The following SHQ1 variants were observed in gnomAD, a reference collection of about 807,000 sequenced individuals.
The protein encoded by SHQ1 is SHQ1, H/ACA ribonucleoprotein assembly factor.
In SHQ1, 49 loss-of-function variants were observed where a neutral mutation model predicts 53.8. The observed-to-expected ratio is 0.91, with a 90% CI of 0.72 to 1.16. The LOEUF (loss-of-function observed/expected upper bound fraction) is 1.16. Ranked by LOEUF, SHQ1 falls within the 50% of genes most tolerant of loss-of-function variation. The pLI is 0.00. For synonymous variants in SHQ1, 243 were observed against 251.0 expected (o/e 0.97, Z 0.30); for missense variants, 738 against 683.1 (o/e 1.08, Z -0.90).
At position 72,844,593 on chromosome 3, in the gene SHQ1, GA is replaced by G. The variant is rs1181469809; in HGVS notation, c.144-171del. On this transcript the variant is annotated intron_variant, in intron 1 of 10. Transcript: ENST00000325599. ...TAAGTTAGATTCTTTCCCCAACCAA[GA>G]AAGTAGAAATTAGAGATGACTCATC... 3 of 668,120 alleles carry G rather than the reference GA, an allele frequency of 4.5e-6. No individual in the cohort carries two copies. In the African/African-American group the frequency reaches 5.4e-5, roughly 12 times the overall value. 41.4% of individuals were successfully genotyped at this position (668,120 alleles called of 1,614,324 possible).
intron 10 of SHQ1, among the ~76,000 whole-genome samples, chr3:72,770,833 T>A (rs767145555): frequency 6.6e-6 from 1 of 152,294 alleles, no homozygotes; most frequent in East Asian, 1.9e-4. Flanking sequence ...GTGAACTGCA[T>A]ATAGGCAGAT....
chr3:72,789,975 G>C (rs1299391570), intron 10 of SHQ1, among the ~76,000 whole-genome samples: 2 of 152,176 alleles, frequency 1.3e-5, no homozygotes, highest in African/African-American at 2.4e-5. Context: ...GGAACCAGAA[G>C]ACCTGACCTA....
intron 10 of SHQ1, among the ~76,000 whole-genome samples, chr3:72,783,595 T>A (rs1400537036): frequency 1.3e-5 from 2 of 152,198 alleles, no homozygotes; most frequent in African/African-American, 4.8e-5. Context: ...ATTATAGGCA[T>A]GAGCCAGCAT....
In SHQ1 at chr3:72,830,538, A is replaced by T. The variant is rs1293155876; in HGVS notation, c.599+1831T>A. ...CTGAGCTAAAAAAAAGAATTTTTAA[A>T]TAAAAATTAAAAAGAATTTTAGTTG... is the stretch of plus-strand genomic sequence containing the variant. On this transcript the variant is annotated intron_variant, in intron 5 of 10. Coordinates refer to ENST00000325599, the MANE Select transcript of SHQ1 (RefSeq NM_018130.3). Among the ~76,000 whole-genome samples the T allele has an allele frequency of 4.6e-5, 7 of 152,270 alleles. No homozygotes were observed. The East Asian group carries it at 1.2e-3, about 25-fold the overall frequency.
chr3:72,835,832 AAAGG>A (rs1421443406), intron 4 of SHQ1, among the ~76,000 whole-genome samples: 3 of 152,212 alleles, frequency 2.0e-5, no homozygotes, highest in African/African-American at 7.2e-5. Flanking sequence ...TCACTTTCTC[AAAGG>A]AGTCTTCTCT....
chr3:72,744,379 A>G (rs757821949), downstream of SHQ1, among the ~76,000 whole-genome samples: 1 of 152,214 alleles, frequency 6.6e-6, no homozygotes, highest in African/African-American at 2.4e-5. Context: ...TCCCAGAGGT[A>G]AATCCTGTTG....
intron 9 of SHQ1, chr3:72,795,210 A>G (rs1706568748): frequency 6.6e-6 from 1 of 152,238 alleles, no homozygotes; most frequent in Non-Finnish European, 1.5e-5. Context: ...AAGAATGTCA[A>G]TGAAAGCTCC....
At position 72,809,146 on chromosome 3, in the gene SHQ1, C is replaced by A. The variant is rs79525387; in HGVS notation, c.1060+3525G>T. Among the ~76,000 whole-genome samples, 933 of 152,148 alleles carry A rather than the reference C, an allele frequency of 6.1e-3. 14 individuals are homozygous for A. Among genetic ancestry groups the A allele is most frequent in the African/African-American group, 0.021 (878 of 41,508 alleles). On this transcript the variant is annotated intron_variant, in intron 9 of 10. Transcript: ENST00000325599. Reference sequence around the variant, plus strand: ...GCTTCCATTAAGAAGCAGGACAGAGCAACATGGGGTGGCCAAGTGGAGGTA... The same window carrying A: ...GCTTCCATTAAGAAGCAGGACAGAGAAACATGGGGTGGCCAAGTGGAGGTA...
chr3:72,845,596 T>C (rs1708304390), intron 1 of SHQ1, among the ~76,000 whole-genome samples: 1 of 152,228 alleles, frequency 6.6e-6, no homozygotes, highest in Non-Finnish European at 1.5e-5. Context: ...AACAGGAATC[T>C]AATTGTCACT....
intron 8 of SHQ1, among the ~76,000 whole-genome samples, chr3:72,814,799 A>G (rs895952323): frequency 6.6e-6 from 1 of 152,200 alleles, no homozygotes; most frequent in Non-Finnish European, 1.5e-5. Context: ...TAAAAGAGTT[A>G]TCAAATGTAA....
intron 10 of SHQ1, among the ~76,000 whole-genome samples, chr3:72,763,316 T>C (rs1025138612): frequency 6.6e-6 from 1 of 152,186 alleles, no homozygotes; most frequent in Non-Finnish European, 1.5e-5. Flanking sequence ...CATTCCTACA[T>C]TTCATCTGTG....
At chr3:72,789,134 T>C (rs1259786437) in intron 10 of SHQ1, among the ~76,000 whole-genome samples, 1 of 150,674 alleles carries the variant, frequency 6.6e-6, no homozygotes, top group East Asian at 1.9e-4. Context: ...AAAAATGCAT[T>C]GGGAAACAAA....
At chr3:72,748,328 G>GAAAAA (rs1575670612), downstream of SHQ1, among the ~76,000 whole-genome samples, 1 of 26,388 alleles carries the variant, frequency 3.8e-5, no homozygotes, top group Non-Finnish European at 6.5e-5. Context: ...TATGAGGCAT[G>GAAAAA]CAAAAAAAAA....
chr3:72,771,373 G>A (rs1705847013), intron 10 of SHQ1, among the ~76,000 whole-genome samples: 1 of 152,208 alleles, frequency 6.6e-6, no homozygotes, highest in African/African-American at 2.4e-5. Flanking sequence ...GATGGGATAT[G>A]CCAAATCTAA....
intron 10 of SHQ1, among the ~76,000 whole-genome samples, chr3:72,777,187 GA>G (rs1705975306): frequency 6.6e-6 from 1 of 152,048 alleles, no homozygotes; most frequent in Non-Finnish European, 1.5e-5. Context: ...ACCCATAAAG[GA>G]ACACATTGAG....
chr3:72,771,269 A>G lies in SHQ1; in HGVS notation c.1182-20433T>C, dbSNP rs1387804079. Among the ~76,000 whole-genome samples the G allele has an allele frequency of 2.0e-5, 3 of 152,194 alleles. No individual in the cohort carries two copies. In the South Asian group the frequency reaches 6.2e-4, roughly 32 times the overall value. On this transcript the variant is annotated intron_variant, in intron 10 of 10. Transcript: ENST00000325599. ...AAAAAATGACTGCTCATTAGATTTC[A>G]AGAGTCAAGTTTATAAACAGTGTTA...
chr3:72,748,850 CAGG>C (rs918102682), downstream of SHQ1, among the ~76,000 whole-genome samples: 2 of 152,038 alleles, frequency 1.3e-5, no homozygotes, highest in Non-Finnish European at 2.9e-5. Flanking sequence ...AGCCTGTGGT[CAGG>C]AGGAGGTGCG....
chr3:72,789,093 A>G (rs1034488038), intron 10 of SHQ1, among the ~76,000 whole-genome samples: 5 of 152,072 alleles, frequency 3.3e-5, no homozygotes, highest in Admixed American at 6.5e-5. Flanking sequence ...AAAAAAAAAA[A>G]AAAAAGAAAA....
chr3:72,819,426 A>C (rs1456164760), intron 6 of SHQ1, among the ~76,000 whole-genome samples: 1 of 152,136 alleles, frequency 6.6e-6, no homozygotes, highest in Non-Finnish European at 1.5e-5. Context: ...CTTATTTTTC[A>C]TGTAGTCAAA....
Sources: allele counts gnomAD v4.1 joint callset (sites outside exome capture counted in the v4.1 genomes callset), GRCh38; gene constraint gnomAD v4.1.1; transcripts MANE v1.5; gene names NCBI Gene and HGNC (gene_info 2026-07-23, HGNC 2026-07-21).